MKI67: variants seen among roughly 807,000 people sequenced by gnomAD.
MKI67 encodes the protein proliferation marker protein Ki-67.
Under a neutral mutation model 233.5 loss-of-function variants are expected in MKI67, and 152 were observed. That is an observed-to-expected ratio of 0.65 (90% CI 0.57 to 0.74). MKI67 has a LOEUF of 0.74. Among genes scored for constraint, MKI67 ranks in the 30% least tolerant of loss-of-function variants. The pLI, the probability that MKI67 is intolerant of heterozygous loss-of-function variation, is 0.00. For synonymous variants in MKI67, 1,465 were observed against 1,418.5 expected (o/e 1.03, Z -0.74); for missense variants, 3,940 against 3,885.2 (o/e 1.01, Z -0.37).
At position 128,126,368 on chromosome 10, in the gene MKI67, A is replaced by C. The variant is rs1284092024; in HGVS notation, c.-359T>G. 9 of 119,530 alleles carry C rather than the reference A, an allele frequency of 7.5e-5. No individual in the cohort carries two copies. The highest frequency in any genetic ancestry group is 3.8e-3 in the Middle Eastern group (1 of 264). The allele number at this position is 119,530 out of a possible 1,614,324, so 7.4% of individuals were successfully genotyped here. Reference sequence around the variant, plus strand: ...CGCCCGGCTCTAGCGGCTCCCACCGAGTCGAGTCCTCCCGCCCGCCCGCCC... The same window carrying C: ...CGCCCGGCTCTAGCGGCTCCCACCGCGTCGAGTCCTCCCGCCCGCCCGCCC... On this transcript the variant is annotated 5_prime_UTR_variant, in exon 1 of 15. Coordinates refer to ENST00000368654, the MANE Select transcript of MKI67 (RefSeq NM_002417.5).
At chr10:128,121,556 T>C (rs888052508) in intron 4 of MKI67, among the ~76,000 whole-genome samples, 1 of 128,230 alleles carries the variant, frequency 7.8e-6, no homozygotes, top group Admixed American at 9.3e-5. Flanking sequence ...TATATATGAT[T>C]ATATATAATA....
rs770526909 is a variant in MKI67 at position 128,105,596 on chromosome 10, G to C, written c.6244C>G (p.Leu2082Val). Residue 2082 changes from leucine (L) to valine (V), a missense_variant, in exon 13 of 15, where the codon CTC becomes GTC. By Grantham distance (32) the Leu-to-Val change is conservative. Coordinates refer to ENST00000368654, the MANE Select transcript of MKI67 (RefSeq NM_002417.5). ...TCAGTGTGGTCTGGTGTCTGGAAGA[G>C]CTCTTTGAAGCCGGCCAGGTCTTCT... ...SLEDLAGFKE[L>V]FQTPDHTEES... is the part of the protein sequence containing the mutation. 6.2e-7 allele frequency: 1 copy of C among 1,614,144 alleles called. No individual in the cohort carries two copies. The highest frequency in any genetic ancestry group is 8.5e-7 in the Non-Finnish European group (1 of 1,180,030).
In MKI67 at chr10:128,125,562, C is replaced by A. The variant is rs1168667765; in HGVS notation, c.92+14G>T. The A allele has an allele frequency of 6.2e-7, 1 of 1,609,480 alleles. No homozygotes were observed. Among genetic ancestry groups the A allele is most frequent in the Non-Finnish European group, 8.5e-7 (1 of 1,177,168 alleles). ...TTCTCAGCTAAAACGTCCGCGCGCG[C>A]CCGCGGGGCTCACCTTCCAAACAAG... is the stretch of plus-strand genomic sequence containing the variant. On this transcript the variant is annotated intron_variant, in intron 2 of 14. Transcript: ENST00000368654. The surrounding 1 kb of genome is among the most constrained non-coding windows in gnomAD (Gnocchi z 5.3).
chr10:128,112,394 C>G lies in MKI67; in HGVS notation c.1708G>C (p.Glu570Gln). 1 of 1,614,220 alleles carries G rather than the reference C, an allele frequency of 6.2e-7. No homozygotes were observed. The highest frequency in any genetic ancestry group is 8.5e-7 in the Non-Finnish European group (1 of 1,180,026). The change falls in exon 9 of 15, where the codon GAA becomes CAA. Residue 570 changes from glutamate (E) to glutamine (Q), a missense_variant. By Grantham distance (29) the Glu-to-Gln change is conservative. Coordinates refer to ENST00000368654, the MANE Select transcript of MKI67 (RefSeq NM_002417.5). ...ATAACCAAGCTTTGTGCCTTCACTT[C>G]CACATGGATTTCTGAACCTGACTCT... The part of the protein sequence containing the change: ...KQESGSEIHV[E>Q]VKAQSLVISP...
chr10:128,116,640 C>T (rs1200660722), intron 5 of MKI67, 104 bp from the exon 6 acceptor site: 21 of 1,118,402 alleles, frequency 1.9e-5, no homozygotes, highest in Middle Eastern at 2.0e-4. Context: ...GGCATGATGG[C>T]TCATGCCTGT....
Position 128,097,509 on chromosome 10 carries a change from T to C in MKI67, c.*1681A>G, listed in dbSNP as rs1852236716. On this transcript the variant is annotated 3_prime_UTR_variant, in exon 15 of 15. Transcript: ENST00000368654. Reference sequence around the variant, plus strand: ...TAAAGGATTTTTCTACTAAACAGAATATTCCACTCCACAGGCATATGGCTG... The same window carrying C: ...TAAAGGATTTTTCTACTAAACAGAACATTCCACTCCACAGGCATATGGCTG... 6.6e-6 allele frequency: 1 copy of C among 152,170 alleles called. No individual in the cohort carries two copies. Among genetic ancestry groups the C allele is most frequent in the South Asian group, 2.1e-4 (1 of 4,828 alleles). The allele number at this position is 152,170 out of a possible 1,614,324, so 9.4% of individuals were successfully genotyped here.
At position 128,101,442 on chromosome 10, in the gene MKI67, C is replaced by T; in HGVS notation, c.9521G>A (p.Gly3174Glu). The change falls in exon 14 of 15, where the codon GGA (glycine) becomes GAA (glutamate). Residue 3174 changes from glycine (G) to glutamate (E), a missense_variant. Gly to Glu is a moderately conservative substitution (Grantham distance 98). Coordinates refer to ENST00000368654, the MANE Select transcript of MKI67 (RefSeq NM_002417.5). ...SSQPKVAEES[G>E]GQKSAKVLMQ... ...GAGAACCTTCGCACTCTTCTGCCCT[C>T]CGCTCTCCTCTGCCACCTTAGGCTG... is the stretch of plus-strand genomic sequence containing the variant. 1.2e-6 allele frequency: 2 copies of T among 1,614,240 alleles called. No homozygotes were observed. The highest frequency in any genetic ancestry group is 2.2e-5 in the East Asian group (1 of 44,890).
At position 128,103,699 on chromosome 10, in the gene MKI67, A is replaced by T; in HGVS notation, c.8141T>A (p.Val2714Glu). Residue 2714 changes from valine to glutamate, a missense_variant, in exon 13 of 15, where the codon GTA becomes GAA. Transcript: ENST00000368654. ...CCTCTTTGTGCTTGCTGTGGTGTCTACCACTTCTAGTGGGGGAGATTCGCA... is the reference window on the plus strand; with the variant it reads ...CCTCTTTGTGCTTGCTGTGGTGTCTTCCACTTCTAGTGGGGGAGATTCGCA... ...IPCESPPLEVVDTTASTKRHL... is the reference protein window; with the variant it reads ...IPCESPPLEVEDTTASTKRHL... The T allele has an allele frequency of 1.2e-6, 2 of 1,613,502 alleles. No homozygotes were observed. The highest frequency in any genetic ancestry group is 2.2e-5 in the South Asian group (2 of 91,040).
At chr10:128,111,458 C>A (rs1852672439) in intron 11 of MKI67, 187 bp downstream of exon 11, 2 of 554,850 alleles carry the variant, frequency 3.6e-6, no homozygotes, top group Non-Finnish European at 6.2e-6. Flanking sequence ...CAAAAATTAG[C>A]AGAGACTTGT....
Position 128,101,517 on chromosome 10 carries a change from A to T in MKI67, c.9446T>A (p.Val3149Asp). 1 of 1,614,086 alleles carries T rather than the reference A, an allele frequency of 6.2e-7. No individual in the cohort carries two copies. Among genetic ancestry groups the T allele is most frequent in the Non-Finnish European group, 8.5e-7 (1 of 1,180,020 alleles). The change falls in exon 14 of 15, where the codon GTC becomes GAC. Residue 3149 changes from valine (V) to aspartate (D), a missense_variant. Val to Asp is a radical substitution (Grantham distance 152). Coordinates refer to ENST00000368654, the MANE Select transcript of MKI67 (RefSeq NM_002417.5). ...CCTCAAGCACCTTTTGTTCTCAGTGACTTTGTCTCTAGGTATGGGTTTCCG... is the reference window on the plus strand; with the variant it reads ...CCTCAAGCACCTTTTGTTCTCAGTGTCTTTGTCTCTAGGTATGGGTTTCCG... ...GARKPIPRDK[V>D]TENKRCLRSA...
chr10:128,125,557 G>T lies in MKI67; in HGVS notation c.92+19C>A. ...CCTCTTTCTCAGCTAAAACGTCCGC[G>T]CGCGCCCGCGGGGCTCACCTTCCAA... is the stretch of plus-strand genomic sequence containing the variant. On this transcript the variant is annotated intron_variant, in intron 2 of 14. Transcript: ENST00000368654. This position sits in a 1 kb window ranked among gnomAD's most constrained non-coding sequence, Gnocchi z 5.3. 6.2e-7 allele frequency: 1 copy of T among 1,605,438 alleles called. No homozygotes were observed. The highest frequency in any genetic ancestry group is 8.5e-7 in the Non-Finnish European group (1 of 1,173,476).
At position 128,109,308 on chromosome 10, in the gene MKI67, C is replaced by A. The variant is rs140282674; in HGVS notation, c.2532G>T (p.Thr844=). Residue 844 remains threonine (T), a synonymous_variant, in exon 13 of 15, where the codon ACG becomes ACT. Coordinates refer to ENST00000368654, the MANE Select transcript of MKI67 (RefSeq NM_002417.5). ...AAGTCATTTTGTAGGTGTTCCTGGG[C>A]GTTTTTGCTACGTTTCCATTTTCTC... ...CIRENGNVAK[T]PRNTYKMTSL... 1 of 1,614,122 alleles carries A rather than the reference C, an allele frequency of 6.2e-7. No homozygotes were observed. The highest frequency in any genetic ancestry group is 8.5e-7 in the Non-Finnish European group (1 of 1,180,022).
chr10:128,112,043 C>T lies in MKI67; in HGVS notation c.1972G>A (p.Ala658Thr), dbSNP rs1852690551. The T allele has an allele frequency of 6.2e-7, 1 of 1,609,592 alleles. No individual in the cohort carries two copies. The highest frequency in any genetic ancestry group is 1.7e-4 in the Middle Eastern group (1 of 6,030). The change falls in exon 10 of 15, where the codon GCA becomes ACA. Residue 658 changes from alanine (A) to threonine (T), a missense_variant and splice_region_variant. Transcript: ENST00000368654. ...SGASEANLIV[A>T]KSWADVVKLG... ...TTTACTACATCTGCCCATGATTTTG[C>T]AACTGTCAAAGGGAAAAGACGAAAC... is the stretch of plus-strand genomic sequence containing the variant.
At chr10:128,120,610 TA>T (rs1852915726) in intron 4 of MKI67, among the ~76,000 whole-genome samples, 1 of 152,094 alleles carries the variant, frequency 6.6e-6, no homozygotes, top group Non-Finnish European at 1.5e-5. Flanking sequence ...AGAAGCACAG[TA>T]AAAGAAATGA....
chr10:128,111,853 A>G (rs370437019), intron 10 of MKI67, 37 bp from the exon 11 acceptor site: 3 of 1,610,274 alleles, frequency 1.9e-6, no homozygotes, highest in Non-Finnish European at 2.5e-6. Context: ...AGGACATTAA[A>G]GCATAAATCC....
chr10:128,113,270 C>T (rs1313426533), intron 8 of MKI67, among the ~76,000 whole-genome samples, 157 bp downstream of exon 8: 1 of 152,208 alleles, frequency 6.6e-6, no homozygotes, highest in Non-Finnish European at 1.5e-5. Context: ...CTGGTGCCCA[C>T]ATCAATGAGC....
At position 128,102,735 on chromosome 10, in the gene MKI67, G is replaced by A. The variant is rs1195938525; in HGVS notation, c.9105C>T (p.Pro3035=). The change falls in exon 13 of 15, where the codon CCC becomes CCT. Residue 3035 remains proline, a synonymous_variant. Coordinates refer to ENST00000368654, the MANE Select transcript of MKI67 (RefSeq NM_002417.5). ...GTTCGGATGATTTGCCTCTTGCCCTGGGAGCAACCCTCTGCTTCTTGCTGG... is the reference window on the plus strand; with the variant it reads ...GTTCGGATGATTTGCCTCTTGCCCTAGGAGCAACCCTCTGCTTCTTGCTGG... ...LPASKKQRVA[P]RARGKSSEPV... 6.2e-7 allele frequency: 1 copy of A among 1,614,152 alleles called. No homozygotes were observed. The highest frequency in any genetic ancestry group is 2.2e-5 in the East Asian group (1 of 44,870).
chr10:128,111,403 T>C (rs942805287), intron 11 of MKI67: 1 of 435,850 alleles, frequency 2.3e-6, no homozygotes, highest in Non-Finnish European at 4.0e-6. Flanking sequence ...GGTAAAGACA[T>C]GCATTTGACA....
Position 128,125,031 on chromosome 10 carries a change from G to T in MKI67, c.92+545C>A, listed in dbSNP as rs1853026182. ...GCCTCTAGTGGGACACATGTCAGAG[G>T]CTGATGGGGCACTGTCAGCAACTAT... On this transcript the variant is annotated intron_variant, in intron 2 of 14. Coordinates refer to ENST00000368654, the MANE Select transcript of MKI67 (RefSeq NM_002417.5). The surrounding 1 kb of genome is among the most constrained non-coding windows in gnomAD (Gnocchi z 5.3). 6.6e-6 allele frequency among the ~76,000 whole-genome samples: 1 copy of T among 152,158 alleles called. No homozygotes were observed. Among genetic ancestry groups the T allele is most frequent in the Admixed American group, 6.5e-5 (1 of 15,288 alleles).
Sources: gnomAD v4.1 joint callset for allele counts (sites outside exome capture counted in the v4.1 genomes callset) on GRCh38, gnomAD v4.1.1 for gene constraint, Gnocchi (gnomAD v3.1) non-coding constraint, MANE v1.5 for transcripts, NCBI Gene and HGNC (gene_info 2026-07-23, HGNC 2026-07-21) for gene names.